ABCB4: variants seen among roughly 807,000 people sequenced by gnomAD.
ABCB4 encodes the protein ATP binding cassette subfamily B member 4, also known as phosphatidylcholine translocator ABCB4.
Under a neutral mutation model 145.7 loss-of-function variants are expected in ABCB4, and 76 were observed. That is an observed-to-expected ratio of 0.52 (90% CI 0.43 to 0.63). The LOEUF is 0.63. Ranked by LOEUF, ABCB4 falls within the 30% of genes least tolerant of loss-of-function variation. The probability of loss-of-function intolerance (pLI) is 0.00; values close to 1 mark genes in which losing one functional copy is unlikely to be tolerated. For missense variants in ABCB4, 1,234 were observed against 1,553.1 expected (o/e 0.79, Z 3.45); for synonymous variants, 517 against 566.8 (o/e 0.91, Z 1.25).
At position 87,409,406 on chromosome 7, in the gene ABCB4, G is replaced by A. The variant is rs1005279302; in HGVS notation, c.2925-14C>T. On this transcript the variant is annotated splice_polypyrimidine_tract_variant and intron_variant, in intron 23 of 27. Transcript: ENST00000649586. Reference sequence around the variant, plus strand: ...GCAGAAAACACCCTAGACAGAAGTAGAGGAATTCAAAAATTAGCTTTTATA... The same window carrying A: ...GCAGAAAACACCCTAGACAGAAGTAAAGGAATTCAAAAATTAGCTTTTATA... The A allele has an allele frequency of 1.2e-6, 2 of 1,613,506 alleles. No individual in the cohort carries two copies. Among genetic ancestry groups the A allele is most frequent in the African/African-American group, 1.3e-5 (1 of 75,044 alleles).
chr7:87,470,875 C>A (rs904968687), intron 3 of ABCB4, among the ~76,000 whole-genome samples: 17 of 152,142 alleles, frequency 1.1e-4, no homozygotes, highest in Non-Finnish European at 1.9e-4. Flanking sequence ...TAGGTATATA[C>A]CCAAAGGAAT....
At chr7:87,372,140 A>T in the ABCB4 span, among the ~76,000 whole-genome samples, 1 of 151,406 alleles carries the variant, frequency 6.6e-6, no homozygotes, top group Non-Finnish European at 1.5e-5. Flanking sequence ...TATGCCATTT[A>T]TTTGTGTTTT....
rs1807831740 is a variant in ABCB4 at position 87,402,185 on chromosome 7, T to G, written c.3751A>C (p.Lys1251Gln). The change falls in exon 28 of 28, where the codon AAG (lysine) becomes CAG (glutamine). Residue 1251 changes from lysine (K) to glutamine (Q), a missense_variant. By Grantham distance (53) the Lys-to-Gln change is moderately conservative. Transcript: ENST00000649586. ...AGCTGCTGATGCGTGCCATGCTCCT[T>G]GACTCTCCCATTCTGAAACACCACT... ...LIVVFQNGRV[K>Q]EHGTHQQLLA... 6.2e-7 allele frequency: 1 copy of G among 1,614,134 alleles called. No homozygotes were observed. Among genetic ancestry groups the G allele is most frequent in the Non-Finnish European group, 8.5e-7 (1 of 1,180,016 alleles).
chr7:87,403,904 G>T (rs773627292), intron 26 of ABCB4, among the ~76,000 whole-genome samples: 2 of 152,112 alleles, frequency 1.3e-5, no homozygotes, highest in Admixed American at 6.5e-5. Flanking sequence ...ATAAATGAAA[G>T]AAATCTTTTT....
chr7:87,465,953 A>G (rs1476955022), intron 3 of ABCB4, among the ~76,000 whole-genome samples: 1 of 152,176 alleles, frequency 6.6e-6, no homozygotes, highest in Non-Finnish European at 1.5e-5. Context: ...TGGGGAAAAA[A>G]CAGAACAGAA....
chr7:87,416,272 C>T (rs941458407), intron 21 of ABCB4, among the ~76,000 whole-genome samples: 6 of 152,124 alleles, frequency 3.9e-5, no homozygotes, highest in African/African-American at 9.7e-5. Context: ...ATGGTTAGTC[C>T]GAATGTTAAT....
At chr7:87,475,001 ACAG>A (rs1221095633) in intron 2 of ABCB4, among the ~76,000 whole-genome samples, 1 of 152,238 alleles carries the variant, frequency 6.6e-6, no homozygotes, top group Non-Finnish European at 1.5e-5. Context: ...ACAGCCATCA[ACAG>A]CAGATGTCTG....
chr7:87,386,300 C>A, the ABCB4 span, among the ~76,000 whole-genome samples: 1 of 152,094 alleles, frequency 6.6e-6, no homozygotes, highest in African/African-American at 2.4e-5. Flanking sequence ...AGGTCCTAAG[C>A]TTTTGCTTAA....
chr7:87,377,922 C>T, the ABCB4 span, among the ~76,000 whole-genome samples: 2 of 152,060 alleles, frequency 1.3e-5, no homozygotes, highest in Non-Finnish European at 2.9e-5. Context: ...CCATTTTGAC[C>T]ATTTTCATAA....
chr7:87,406,277 CTT>C lies in ABCB4; in HGVS notation c.3486+9_3486+10del. ...GTAGTCTCTTCTGATTTCAGCTACT[CTT>C]TAACTTACGTGGGGTAACGTCTCGA... On this transcript the variant is annotated intron_variant, in intron 26 of 27. Transcript: ENST00000649586. 6.2e-7 allele frequency: 1 copy of C among 1,613,570 alleles called. No homozygotes were observed. The highest frequency in any genetic ancestry group is 8.5e-7 in the Non-Finnish European group (1 of 1,179,470).
At chr7:87,432,942 A>T (rs186306916) in intron 14 of ABCB4, among the ~76,000 whole-genome samples, 23 of 152,296 alleles carry the variant, frequency 1.5e-4, no homozygotes, top group Non-Finnish European at 8.8e-5. Flanking sequence ...TGAGAAGGAA[A>T]TATCTCTAAC....
chr7:87,463,052 C>T (rs1812572559), intron 3 of ABCB4, 144 bp from the exon 4 acceptor site: 4 of 674,442 alleles, frequency 5.9e-6, no homozygotes, highest in Non-Finnish European at 7.6e-6. Context: ...GCCTTCAAAT[C>T]ATTAACAACT....
the ABCB4 span, among the ~76,000 whole-genome samples, chr7:87,370,597 CAT>C: frequency 6.6e-6 from 1 of 152,154 alleles, no homozygotes; most frequent in Non-Finnish European, 1.5e-5. Flanking sequence ...ATATTGCAAA[CAT>C]GTACAAAACT....
intron 2 of ABCB4, 45 bp from the exon 3 acceptor site, chr7:87,472,720 T>G (rs1228590611): frequency 7.5e-7 from 1 of 1,330,512 alleles, no homozygotes; most frequent in South Asian, 1.2e-5. Flanking sequence ...TTACAAAATG[T>G]TTTACAATCA....
intron 18 of ABCB4, 43 bp from the exon 19 acceptor site, chr7:87,420,118 A>G (rs966052427): frequency 1.1e-5 from 17 of 1,568,072 alleles, no homozygotes; most frequent in East Asian, 4.5e-5. Flanking sequence ...ATCTTTATGT[A>G]TGTAATTGCA....
chr7:87,428,709 A>G (rs1810004060), intron 15 of ABCB4, among the ~76,000 whole-genome samples: 1 of 152,232 alleles, frequency 6.6e-6, no homozygotes, highest in South Asian at 2.1e-4. Flanking sequence ...ACAGGAACAA[A>G]TACTTTCACA....
At chr7:87,442,998 A>G (rs975248621) in intron 12 of ABCB4, among the ~76,000 whole-genome samples, 5 of 152,186 alleles carry the variant, frequency 3.3e-5, no homozygotes, top group Admixed American at 3.3e-4. Flanking sequence ...TGCTATATGG[A>G]GTATGTTTGA....
At chr7:87,373,287 GT>G in the ABCB4 span, among the ~76,000 whole-genome samples, 1 of 151,834 alleles carries the variant, frequency 6.6e-6, no homozygotes, top group Admixed American at 6.6e-5. Context: ...AAATTAGTTT[GT>G]TTTTTTATTA....
At chr7:87,440,604 T>A (rs1325978808) in intron 12 of ABCB4, among the ~76,000 whole-genome samples, 2 of 152,246 alleles carry the variant, frequency 1.3e-5, no homozygotes, top group Non-Finnish European at 2.9e-5. Flanking sequence ...ATACAGTTTT[T>A]TCGTGGAAGG....
Sources: gnomAD v4.1 joint callset for allele counts (sites outside exome capture counted in the v4.1 genomes callset) on GRCh38, gnomAD v4.1.1 for gene constraint, MANE v1.5 for transcripts, NCBI Gene and HGNC (gene_info 2026-07-23, HGNC 2026-07-21) for gene names.